Variants in DENND5B observed in about 807,000 individuals in gnomAD.
DENND5B encodes the protein DENN domain containing 5B, also known as DENN domain-containing protein 5B.
Under a neutral mutation model 140.6 loss-of-function variants are expected in DENND5B, and 34 were observed. The ratio of observed to expected loss-of-function variants is 0.24; its 90% CI spans 0.18 to 0.32. The LOEUF is 0.32. Ranked by LOEUF, DENND5B falls within the 10% of genes least tolerant of loss-of-function variation. The pLI is 1.00. For synonymous variants in DENND5B, 551 were observed against 562.1 expected, an observed-to-expected ratio of 0.98 and a Z score of 0.28; for missense variants, 1,142 against 1,560.2, an observed-to-expected ratio of 0.73 and a Z score of 4.52.
intron 1 of DENND5B, among the ~76,000 whole-genome samples, chr12:31,511,057 C>T (rs765758651): frequency 6.6e-6 from 1 of 152,030 alleles, no homozygotes; most frequent in Non-Finnish European, 1.5e-5. Flanking sequence ...CACAGTGAGA[C>T]CCCATCTCTG....
chr12:31,548,509 T>C (rs985208421), intron 1 of DENND5B, among the ~76,000 whole-genome samples: 1 of 152,206 alleles, frequency 6.6e-6, no homozygotes, highest in Non-Finnish European at 1.5e-5. Flanking sequence ...CTTTAAAAAC[T>C]TGACTACATC....
intron 1 of DENND5B, among the ~76,000 whole-genome samples, chr12:31,567,431 C>A (rs11831503): frequency 6.7e-6 from 1 of 148,826 alleles, no homozygotes; most frequent in Non-Finnish European, 1.5e-5. Context: ...ATGTTGCCTT[C>A]TAATTTGTCT....
intron 11 of DENND5B, 90 bp downstream of exon 11, chr12:31,423,507 C>T: frequency 7.5e-7 from 1 of 1,333,564 alleles, no homozygotes; most frequent in Non-Finnish European, 1.0e-6. Flanking sequence ...TAAATTTTAG[C>T]TTGAGAGAGA....
chr12:31,391,868 C>T (rs1396078687), intron 19 of DENND5B, among the ~76,000 whole-genome samples: 3 of 151,974 alleles, frequency 2.0e-5, no homozygotes, highest in Non-Finnish European at 4.4e-5. Flanking sequence ...TTGCCGGGCA[C>T]GATGGCTCAC....
At chr12:31,387,840 A>G in intron 20 of DENND5B, 54 bp from the exon 21 acceptor site, 1 of 1,560,788 alleles carries the variant, frequency 6.4e-7, no homozygotes, top group East Asian at 2.3e-5. Context: ...GCTGCAGAAC[A>G]AGGCACACAG....
At chr12:31,476,043 T>G (rs998341318) in intron 3 of DENND5B, among the ~76,000 whole-genome samples, 1 of 151,920 alleles carries the variant, frequency 6.6e-6, no homozygotes, top group Non-Finnish European at 1.5e-5. Flanking sequence ...CGAGAATCGC[T>G]TGAACCCAGG....
chr12:31,398,915 A>T (rs954960114), intron 16 of DENND5B, among the ~76,000 whole-genome samples: 1 of 151,840 alleles, frequency 6.6e-6, no homozygotes, highest in African/African-American at 2.4e-5. Flanking sequence ...TGAGGTTAGG[A>T]GTTTGAGACC....
intron 1 of DENND5B, among the ~76,000 whole-genome samples, chr12:31,529,137 T>C (rs1948192061): frequency 1.5e-5 from 2 of 137,074 alleles, no homozygotes; most frequent in African/African-American, 5.6e-5. Context: ...AACTCCAGCC[T>C]GCGCAACAGA....
At chr12:31,447,916 C>T (rs914068523) in intron 5 of DENND5B, 147 bp from the exon 6 acceptor site, 1 of 663,272 alleles carries the variant, frequency 1.5e-6, no homozygotes, top group Middle Eastern at 3.1e-4. Flanking sequence ...TAAAAATCCA[C>T]TTTTCTTTCC....
rs1370481846 is a variant in DENND5B at position 31,418,363 on chromosome 12, C to T, written c.2471-2915G>A. ...GTGGCATGATCTCGGCTCACTGCAG[C>T]CTCCACCTCCGGGCTAAGCGATCCT... On this transcript the variant is annotated intron_variant, in intron 11 of 20. Transcript: ENST00000389082. Among the ~76,000 whole-genome samples, 14 of 148,500 alleles carry T rather than the reference C, an allele frequency of 9.4e-5. No individual in the cohort carries two copies. The Admixed American group carries it at 9.5e-4, about 10-fold the overall frequency.
chr12:31,506,456 AAC>A (rs1200909297), intron 1 of DENND5B: 1 of 152,188 alleles, frequency 6.6e-6, no homozygotes, highest in Non-Finnish European at 1.5e-5. Flanking sequence ...AAAATTTCAC[AAC>A]ACAGTTATTC....
intron 5 of DENND5B, among the ~76,000 whole-genome samples, chr12:31,450,319 TATC>T (rs1214107843): frequency 6.6e-6 from 1 of 152,070 alleles, no homozygotes; most frequent in Non-Finnish European, 1.5e-5. Context: ...CAACATACAA[TATC>T]ATCCTCCAAC....
chr12:31,533,764 C>A (rs759554254), intron 1 of DENND5B, among the ~76,000 whole-genome samples: 16 of 152,256 alleles, frequency 1.1e-4, no homozygotes, highest in Non-Finnish European at 1.9e-4. Flanking sequence ...GGAGGACTAT[C>A]CACAGAATTG....
At position 31,496,048 on chromosome 12, in the gene DENND5B, C is replaced by G. The variant is rs779199276; in HGVS notation, c.128-129G>C. The G allele has an allele frequency of 1.4e-4, 81 of 581,278 alleles. No homozygotes were observed. The Admixed American group carries it at 1.8e-3, about 13-fold the overall frequency. 36.0% of individuals were successfully genotyped at this position (581,278 alleles called of 1,614,324 possible). A position where few individuals can be genotyped will look rare whatever the true frequency, so the allele number is the denominator to read the frequency against. On this transcript the variant is annotated intron_variant, in intron 1 of 20. Transcript: ENST00000389082. ...TGATTCAATTTCTGCCTCTAACCAT[C>G]TGTATTGTAAAATCCCGATGGACAA...
intron 1 of DENND5B, among the ~76,000 whole-genome samples, chr12:31,512,310 C>G (rs1009420793): frequency 4.6e-5 from 7 of 151,052 alleles, no homozygotes; most frequent in Non-Finnish European, 1.0e-4. Context: ...ACCTCATGGG[C>G]TTGTCAAGCG....
At chr12:31,439,827 G>A (rs527840515) in intron 7 of DENND5B, among the ~76,000 whole-genome samples, 1 of 151,088 alleles carries the variant, frequency 6.6e-6, no homozygotes, top group Non-Finnish European at 1.5e-5. Flanking sequence ...TACTCAGGGA[G>A]GCTGAGGCAG....
chr12:31,441,821 C>G lies in DENND5B; in HGVS notation c.2012+954G>C, dbSNP rs139617391. On this transcript the variant is annotated intron_variant, in intron 7 of 20. Transcript: ENST00000389082. ...TCTCCCACTTGAGTAAATGGGACTA[C>G]AGGTGCACATCACCATGCCCAGATA... 2.6e-4 allele frequency among the ~76,000 whole-genome samples: 39 copies of G among 152,218 alleles called. No homozygotes were observed. In the East Asian group the frequency reaches 7.0e-3, roughly 27 times the overall value.
chr12:31,442,241 C>A (rs1052119804), intron 7 of DENND5B, among the ~76,000 whole-genome samples: 5 of 152,148 alleles, frequency 3.3e-5, no homozygotes, highest in African/African-American at 1.2e-4. Flanking sequence ...GTGTGACAGG[C>A]TGTTGCTAAA....
chr12:31,568,689 G>A (rs949461403), intron 1 of DENND5B, among the ~76,000 whole-genome samples: 3 of 152,122 alleles, frequency 2.0e-5, no homozygotes, highest in African/African-American at 7.2e-5. Context: ...TAAAGGTTGC[G>A]CCTAAACAGC....
Sources: allele counts gnomAD v4.1 joint callset (sites outside exome capture counted in the v4.1 genomes callset), GRCh38; gene constraint gnomAD v4.1.1; transcripts MANE v1.5; gene names NCBI Gene and HGNC (gene_info 2026-07-23, HGNC 2026-07-21).